The following FRAS1 variants were observed in gnomAD, a reference collection of about 807,000 sequenced individuals.
The protein encoded by FRAS1 is Fraser extracellular matrix complex subunit 1.
FRAS1 carries 290 observed loss-of-function variants against 435.2 expected under a neutral mutation model. The ratio of observed to expected loss-of-function variants is 0.67; its 90% CI spans 0.61 to 0.73. The LOEUF (loss-of-function observed/expected upper bound fraction) is 0.73. Ranked by LOEUF, FRAS1 falls within the 30% of genes least tolerant of loss-of-function variation. The pLI is 0.00. For missense variants in FRAS1, 4,860 were observed against 5,001.5 expected (o/e 0.97, Z 0.85); for synonymous variants, 1,800 against 1,851.0 (o/e 0.97, Z 0.71).
chr4:78,205,191 C>CTTTTT (rs33943058), intron 2 of FRAS1, among the ~76,000 whole-genome samples: 1 of 138,970 alleles, frequency 7.2e-6, no homozygotes, highest in Non-Finnish European at 1.6e-5. Context: ...TCTTTCCTTC[C>CTTTTT]TTTTTTTTTT....
chr4:78,375,874 G>A lies in FRAS1; in HGVS notation c.3287G>A (p.Cys1096Tyr), dbSNP rs1302464793. The A allele has an allele frequency of 6.2e-7, 1 of 1,613,684 alleles. No individual in the cohort carries two copies. The highest frequency in any genetic ancestry group is 8.5e-7 in the Non-Finnish European group (1 of 1,179,814). ...TCTGTCCACACCTCTAATGAAACAT[G>A]TTCTGGTAAGTGCTTCTCCTCAGAT... ...GFSVHTSNETCSGKIHTPSLH... is the reference protein window; with the variant it reads ...GFSVHTSNETYSGKIHTPSLH... The change falls in exon 26 of 74, where the codon TGT (cysteine) becomes TAT (tyrosine). Residue 1096 changes from cysteine to tyrosine, a missense_variant. Coordinates refer to ENST00000512123, the MANE Select transcript of FRAS1 (RefSeq NM_025074.7).
In FRAS1 at chr4:78,363,494, G is replaced by A; in HGVS notation, c.2423-19G>A. ...TCATGAGCACCCGTGCCTTCTCTGT[G>A]CTCCCCTTCCCCCTCCAGACTGCCA... On this transcript the variant is annotated intron_variant, in intron 20 of 73. Coordinates refer to ENST00000512123, the MANE Select transcript of FRAS1 (RefSeq NM_025074.7). 6.3e-7 allele frequency: 1 copy of A among 1,597,560 alleles called. No homozygotes were observed. Among genetic ancestry groups the A allele is most frequent in the South Asian group, 1.1e-5 (1 of 88,398 alleles).
intron 3 of FRAS1, among the ~76,000 whole-genome samples, chr4:78,241,453 G>T (rs1725000493): frequency 6.6e-6 from 1 of 152,092 alleles, no homozygotes; most frequent in Non-Finnish European, 1.5e-5. Context: ...AAAGGAGAGG[G>T]TTTTGTTTTG....
Position 78,117,345 on chromosome 4 carries a change from G to A in FRAS1, c.108+51329G>A, listed in dbSNP as rs149215881. 5.1e-3 allele frequency among the ~76,000 whole-genome samples: 774 copies of A among 152,194 alleles called. 6 individuals are homozygous for A. Among genetic ancestry groups the A allele is most frequent in the African/African-American group, 0.014 (598 of 41,518 alleles). On this transcript the variant is annotated intron_variant, in intron 2 of 73. Coordinates refer to ENST00000512123, the MANE Select transcript of FRAS1 (RefSeq NM_025074.7). ...TCTTCTCGAGGAATATCTTTGTGGC[G>A]TTCTCTATATTTCCTACATTTGAAT...
At chr4:78,255,890 C>T (rs1380069012) in intron 6 of FRAS1, among the ~76,000 whole-genome samples, 1 of 152,120 alleles carries the variant, frequency 6.6e-6, no homozygotes, top group Non-Finnish European at 1.5e-5. Flanking sequence ...ATCTGATTCT[C>T]AAAACATTAG....
At chr4:78,439,893 G>A (rs1263599187) in intron 40 of FRAS1, among the ~76,000 whole-genome samples, 1 of 151,990 alleles carries the variant, frequency 6.6e-6, no homozygotes, top group East Asian at 1.9e-4. Flanking sequence ...CCCAGTTCAT[G>A]GTAGGGATTC....
chr4:78,278,272 A>G (rs759101393), intron 9 of FRAS1, among the ~76,000 whole-genome samples: 1 of 152,238 alleles, frequency 6.6e-6, no homozygotes, highest in African/African-American at 2.4e-5. Context: ...TGATTTGAGC[A>G]CTGTTAATGA....
chr4:78,412,625 A>T (rs1733386339), intron 31 of FRAS1, among the ~76,000 whole-genome samples: 1 of 152,230 alleles, frequency 6.6e-6, no homozygotes, highest in Non-Finnish European at 1.5e-5. Flanking sequence ...TATTGTAAGT[A>T]AAAAATTATA....
chr4:78,183,155 A>G (rs1362252975), intron 2 of FRAS1, among the ~76,000 whole-genome samples: 1 of 152,198 alleles, frequency 6.6e-6, no homozygotes, highest in Non-Finnish European at 1.5e-5. Context: ...ATGGACTTGC[A>G]TAATTCTTGG....
At chr4:78,095,731 A>T (rs1741770486) in intron 2 of FRAS1, among the ~76,000 whole-genome samples, 1 of 152,214 alleles carries the variant, frequency 6.6e-6, no homozygotes, top group Admixed American at 6.5e-5. Flanking sequence ...AGACTTATTC[A>T]CTATCACAAG....
chr4:78,319,686 A>G, intron 18 of FRAS1: 1 of 242,070 alleles, frequency 4.1e-6, no homozygotes, highest in Admixed American at 4.8e-5. Flanking sequence ...ATTTTGTTAT[A>G]ATATCTGAGT....
intron 2 of FRAS1, among the ~76,000 whole-genome samples, chr4:78,102,246 T>C (rs1742168342): frequency 1.3e-5 from 2 of 152,170 alleles, no homozygotes; most frequent in Admixed American, 1.3e-4. Context: ...CCACCAGAAG[T>C]ATTTCTACAG....
intron 2 of FRAS1, among the ~76,000 whole-genome samples, chr4:78,165,651 AC>A (rs1438792041): frequency 6.6e-6 from 1 of 152,174 alleles, no homozygotes; most frequent in East Asian, 1.9e-4. Context: ...GCCTATATGG[AC>A]CAGGCTTGTG....
chr4:78,309,329 C>A (rs1296405083), intron 15 of FRAS1, among the ~76,000 whole-genome samples: 1 of 152,154 alleles, frequency 6.6e-6, no homozygotes, highest in Non-Finnish European at 1.5e-5. Context: ...TGGTAATTTG[C>A]TACAGCAGCA....
chr4:78,284,204 TC>T (rs1301964489), intron 12 of FRAS1, among the ~76,000 whole-genome samples, 200 bp from the exon 13 acceptor site: 7 of 150,020 alleles, frequency 4.7e-5, no homozygotes, highest in African/African-American at 1.7e-4. Flanking sequence ...AAGGAAAACT[TC>T]CTTGCAATCT....
chr4:78,213,913 CAT>C (rs377734830), intron 2 of FRAS1, among the ~76,000 whole-genome samples: 18 of 152,286 alleles, frequency 1.2e-4, no homozygotes, highest in African/African-American at 3.4e-4. Flanking sequence ...TAGAAACACT[CAT>C]GTGTATAATT....
chr4:78,164,756 A>G (rs544478024), intron 2 of FRAS1, among the ~76,000 whole-genome samples: 1 of 151,958 alleles, frequency 6.6e-6, no homozygotes, highest in African/African-American at 2.4e-5. Flanking sequence ...TATTCCTTTC[A>G]TCATCGTTTT....
intron 60 of FRAS1, 125 bp from the exon 61 acceptor site, chr4:78,499,596 T>A (rs1720615233): frequency 1.0e-5 from 8 of 779,552 alleles, no homozygotes; most frequent in Non-Finnish European, 1.6e-5. Context: ...CTGCAAGCCA[T>A]TTTGCCTTCA....
chr4:78,526,728 T>C, intron 70 of FRAS1, 71 bp downstream of exon 70: 2 of 944,890 alleles, frequency 2.1e-6, no homozygotes, highest in Non-Finnish European at 3.1e-6. Flanking sequence ...CACTAAAATT[T>C]ATTTGTAACC....
Sources: allele counts gnomAD v4.1 joint callset (sites outside exome capture counted in the v4.1 genomes callset), GRCh38; gene constraint gnomAD v4.1.1; transcripts MANE v1.5; gene names NCBI Gene and HGNC (gene_info 2026-07-23, HGNC 2026-07-21).